STK25: variants seen among roughly 807,000 people sequenced by gnomAD.
The protein encoded by STK25 is serine/threonine-protein kinase 25.
STK25 carries 29 observed loss-of-function variants against 53.8 expected under a neutral mutation model. The ratio of observed to expected loss-of-function variants is 0.54; its 90% CI spans 0.40 to 0.74. The LOEUF is 0.74. Ranked by LOEUF, STK25 falls within the 30% of genes least tolerant of loss-of-function variation. The probability of loss-of-function intolerance (pLI) is 0.00; values close to 1 mark genes in which losing one functional copy is unlikely to be tolerated. For synonymous variants in STK25, 247 were observed against 238.3 expected, an observed-to-expected ratio of 1.04 and a Z score of -0.33; for missense variants, 420 against 568.0, an observed-to-expected ratio of 0.74 and a Z score of 2.65.
Position 241,501,009 on chromosome 2 carries a change from ACAG to A in STK25, c.262-216_262-214del, listed in dbSNP as rs1371323471. ...TGCTCAGAGGACAGGTTGAGTACACACAGCAGTGGCTGACTCCACTTCACCAAG... is the reference window on the plus strand; with the variant it reads ...TGCTCAGAGGACAGGTTGAGTACACACAGTGGCTGACTCCACTTCACCAAG... On this transcript the variant is annotated intron_variant, in intron 3 of 11. Coordinates refer to ENST00000316586, the MANE Select transcript of STK25 (RefSeq NM_001271977.2). This position sits in a 1 kb window ranked among gnomAD's most constrained non-coding sequence, Gnocchi z 5.3. The A allele has an allele frequency of 1.7e-6, 1 of 596,828 alleles. No individual in the cohort carries two copies. The highest frequency in any genetic ancestry group is 3.0e-6 in the Non-Finnish European group (1 of 333,928). The allele number at this position is 596,828 out of a possible 1,614,324, so 37.0% of individuals were successfully genotyped here. A position where few individuals can be genotyped will look rare whatever the true frequency, so the allele number is the denominator to read the frequency against.
At chr2:241,498,844 C>T in intron 7 of STK25, 60 bp from the exon 8 acceptor site, 1 of 1,608,958 alleles carries the variant, frequency 6.2e-7, no homozygotes, top group Non-Finnish European at 8.5e-7. Flanking sequence ...CTAAGGGAAG[C>T]AAACGTGAGG....
At position 241,507,131 on chromosome 2, in the gene STK25, G is replaced by C. The variant is rs2065879778; in HGVS notation, c.30+875C>G. ...TTTTAGCGGCGATTCCAACGCCTTA[G>C]GTAGAGCCAAGGCATCAAGGAGAAT... On this transcript the variant is annotated intron_variant, in intron 2 of 11. Coordinates refer to ENST00000316586, the MANE Select transcript of STK25 (RefSeq NM_001271977.2). Among the ~76,000 whole-genome samples the C allele has an allele frequency of 1.3e-5, 2 of 152,216 alleles. 1 individual carries two copies. Among genetic ancestry groups the C allele is most frequent in the African/African-American group, 4.8e-5 (2 of 41,460 alleles).
intron 9 of STK25, among the ~76,000 whole-genome samples, 154 bp from the exon 10 acceptor site, chr2:241,497,841 C>T (rs1398526527): frequency 6.6e-6 from 1 of 152,026 alleles, no homozygotes; most frequent in East Asian, 1.9e-4. Context: ...CATCAAGCCA[C>T]CCGGATGGCC....
At chr2:241,499,442 A>AGAATC in intron 5 of STK25, 28 bp from the exon 6 acceptor site, 1 of 1,607,826 alleles carries the variant, frequency 6.2e-7, no homozygotes, top group Non-Finnish European at 8.5e-7. Context: ...GGCAGGCGTC[A>AGAATC]TCCCAGGCTC....
intron 2 of STK25, among the ~76,000 whole-genome samples, chr2:241,502,754 T>A (rs1449535779): frequency 1.3e-5 from 2 of 151,138 alleles, no homozygotes; most frequent in Admixed American, 6.6e-5. Context: ...AAATAAAAAA[T>A]TTAAAAAAAA....
At chr2:241,495,792 C>T in intron 11 of STK25, 91 bp from the exon 12 acceptor site, 7 of 1,391,018 alleles carry the variant, frequency 5.0e-6, no homozygotes, top group Non-Finnish European at 6.1e-6. Flanking sequence ...GGTGGCAGCC[C>T]TGACAAGCCA....
At position 241,500,253 on chromosome 2, in the gene STK25, T is replaced by C. The variant is rs1465265667; in HGVS notation, c.347A>G (p.Tyr116Cys). The change falls in exon 5 of 12, where the codon TAC becomes TGC. Residue 116 changes from tyrosine (Y) to cysteine (C), a missense_variant. Coordinates refer to ENST00000316586, the MANE Select transcript of STK25 (RefSeq NM_001271977.2). ...LLKPGPLEET[Y>C]IATILREILK... is the part of the protein sequence containing the mutation. ...AATCTCCCGCAGGATCGTGGCAATG[T>C]ATGTCTCCTCCAGGGGACCTGGTTT... The C allele has an allele frequency of 6.2e-7, 1 of 1,614,020 alleles. No homozygotes were observed. Among genetic ancestry groups the C allele is most frequent in the East Asian group, 2.2e-5 (1 of 44,872 alleles).
At chr2:241,503,791 C>T (rs1413395592) in intron 2 of STK25, among the ~76,000 whole-genome samples, 2 of 151,744 alleles carry the variant, frequency 1.3e-5, no homozygotes, top group African/African-American at 2.4e-5. Flanking sequence ...GTGCCCTGCA[C>T]GTTCCTGGGC....
intron 5 of STK25, chr2:241,499,691 G>T: frequency 1.8e-6 from 1 of 540,788 alleles, no homozygotes; most frequent in Non-Finnish European, 3.3e-6. Flanking sequence ...CGCCCACTGG[G>T]GGCTACCGCA....
Position 241,494,615 on chromosome 2 carries a change from GGC to G in STK25, c.*1045_*1046del, listed in dbSNP as rs2065054716. On this transcript the variant is annotated 3_prime_UTR_variant, in exon 12 of 12. Transcript: ENST00000316586. This position sits in a 1 kb window ranked among gnomAD's most constrained non-coding sequence, Gnocchi z 4.9. ...TGACCTTCCATCTGGTGAACCAAGT[GGC>G]AGCCCCAGGGGCCTGCCCTGCAGGT... 6.6e-6 allele frequency: 1 copy of G among 152,308 alleles called. No individual in the cohort carries two copies. The highest frequency in any genetic ancestry group is 6.5e-5 in the Admixed American group (1 of 15,286). The allele number at this position is 152,308 out of a possible 1,614,324, so 9.4% of individuals were successfully genotyped here. A position where few individuals can be genotyped will look rare whatever the true frequency, so the allele number is the denominator to read the frequency against.
chr2:241,494,094 T>C lies in STK25; in HGVS notation c.*1568A>G. On this transcript the variant is annotated 3_prime_UTR_variant, in exon 12 of 12. Transcript: ENST00000316586. The surrounding 1 kb of genome is among the most constrained non-coding windows in gnomAD (Gnocchi z 4.9). ...GATGGCCCCCAACCCTCCTCAGGGC[T>C]GGAGGGGATGGTCAGGGGGAAGGAG... The C allele has an allele frequency of 6.8e-7, 1 of 1,470,982 alleles. No individual in the cohort carries two copies. Among genetic ancestry groups the C allele is most frequent in the Non-Finnish European group, 8.9e-7 (1 of 1,118,936 alleles). 91.1% of individuals were successfully genotyped at this position (1,470,982 alleles called of 1,614,324 possible). A position where few individuals can be genotyped will look rare whatever the true frequency, so the allele number is the denominator to read the frequency against.
intron 2 of STK25, among the ~76,000 whole-genome samples, chr2:241,505,287 C>A (rs900763431): frequency 1.3e-5 from 2 of 152,078 alleles, no homozygotes; most frequent in South Asian, 4.2e-4. Context: ...GCTGCTCCAC[C>A]GAGCCGTTAG....
At position 241,498,629 on chromosome 2, in the gene STK25, A is replaced by T; in HGVS notation, c.917+10T>A. ...CCTAGGGTCACCATGAGGATAAACC[A>T]GGTCCCTACATGTCAGAGTCCTCAG... On this transcript the variant is annotated intron_variant, in intron 8 of 11. Transcript: ENST00000316586. 1.2e-6 allele frequency: 2 copies of T among 1,610,510 alleles called. No individual in the cohort carries two copies. The highest frequency in any genetic ancestry group is 1.7e-5 in the Admixed American group (1 of 59,640).
chr2:241,501,434 C>A lies in STK25; in HGVS notation c.261+44G>T, dbSNP rs370702495. 1.3e-6 allele frequency: 2 copies of A among 1,576,654 alleles called. No homozygotes were observed. Among genetic ancestry groups the A allele is most frequent in the African/African-American group, 1.4e-5 (1 of 74,044 alleles). On this transcript the variant is annotated intron_variant, in intron 3 of 11. Transcript: ENST00000316586. This position sits in a 1 kb window ranked among gnomAD's most constrained non-coding sequence, Gnocchi z 5.3. ...CAGTCCCTCTGACATGGAAGAGAGCCGGGCACAGCACCAGCAGGGTCCCCG... is the reference window on the plus strand; with the variant it reads ...CAGTCCCTCTGACATGGAAGAGAGCAGGGCACAGCACCAGCAGGGTCCCCG...
At position 241,493,418 on chromosome 2, in the gene STK25, G is replaced by T; in HGVS notation, c.*2244C>A. On this transcript the variant is annotated 3_prime_UTR_variant, in exon 12 of 12. Transcript: ENST00000316586. ...TCAAATCCCACGTCTACTTCTTCCG[G>T]GCTGAGAGCAAGTACACATTTGAAA... 1 of 1,613,842 alleles carries T rather than the reference G, an allele frequency of 6.2e-7. No individual in the cohort carries two copies. Among genetic ancestry groups the T allele is most frequent in the Admixed American group, 1.7e-5 (1 of 60,018 alleles).
intron 5 of STK25, chr2:241,499,765 A>T (rs960796170): frequency 2.1e-6 from 1 of 471,192 alleles, no homozygotes; most frequent in Non-Finnish European, 3.9e-6. Context: ...GCTCCACCAG[A>T]ATCGTCCCCT....
rs575354554 is a variant in STK25 at position 241,494,355 on chromosome 2, T to G, written c.*1307A>C. ...TGGGGCCCTGGGAAAAATGTGCGAG[T>G]CTTGAGCGCGGAGCCGCTCAAGCCA... On this transcript the variant is annotated 3_prime_UTR_variant, in exon 12 of 12. Coordinates refer to ENST00000316586, the MANE Select transcript of STK25 (RefSeq NM_001271977.2). This position sits in a 1 kb window ranked among gnomAD's most constrained non-coding sequence, Gnocchi z 4.9. 4 of 351,858 alleles carry G rather than the reference T, an allele frequency of 1.1e-5. No individual in the cohort carries two copies. The highest frequency in any genetic ancestry group is 2.1e-5 in the Non-Finnish European group (4 of 192,846). 21.8% of individuals were successfully genotyped at this position (351,858 alleles called of 1,614,324 possible).
At position 241,500,743 on chromosome 2, in the gene STK25, G is replaced by A; in HGVS notation, c.315C>T (p.Asp105=). The stretch of plus-strand genomic sequence containing the variant: ...ACTGCCATGGCCTATGCCTCACCAA[G>A]TCCAGTGCTGAGCCGCCGCCCAGGT... ...MEYLGGGSAL[D]LLKPGPLEET... The change falls in exon 4 of 12, where the codon GAC becomes GAT. Residue 105 remains aspartate (D), a synonymous_variant. Coordinates refer to ENST00000316586, the MANE Select transcript of STK25 (RefSeq NM_001271977.2). 6.2e-7 allele frequency: 1 copy of A among 1,613,872 alleles called. No homozygotes were observed. Among genetic ancestry groups the A allele is most frequent in the Non-Finnish European group, 8.5e-7 (1 of 1,179,932 alleles).
At position 241,492,856 on chromosome 2, in the gene STK25, T is replaced by C. The variant is rs2064977548; in HGVS notation, c.*2806A>G. 1 of 847,136 alleles carries C rather than the reference T, an allele frequency of 1.2e-6. No homozygotes were observed. 52.5% of individuals were successfully genotyped at this position (847,136 alleles called of 1,614,324 possible). A position where few individuals can be genotyped will look rare whatever the true frequency, so the allele number is the denominator to read the frequency against. On this transcript the variant is annotated 3_prime_UTR_variant, in exon 12 of 12. Transcript: ENST00000316586. ...GAGAAAGCATGCAGAGGCTTAGTCTTGGGGAGCAAACCCACTCCCACAAGG... is the reference window on the plus strand; with the variant it reads ...GAGAAAGCATGCAGAGGCTTAGTCTCGGGGAGCAAACCCACTCCCACAAGG...
Sources: gnomAD v4.1 joint callset for allele counts (sites outside exome capture counted in the v4.1 genomes callset) on GRCh38, gnomAD v4.1.1 for gene constraint, Gnocchi (gnomAD v3.1) non-coding constraint, MANE v1.5 for transcripts, NCBI Gene and HGNC (gene_info 2026-07-23, HGNC 2026-07-21) for gene names.